CSMD3: variants seen among roughly 807,000 people sequenced by gnomAD.
CSMD3 encodes CUB and Sushi multiple domains 3, also known as CUB and sushi domain-containing protein 3.
Under a neutral mutation model 435.2 loss-of-function variants are expected in CSMD3, and 177 were observed. That is an observed-to-expected ratio of 0.41 (90% CI 0.36 to 0.46). The LOEUF is 0.46. Ranked by LOEUF, CSMD3 falls within the 20% of genes least tolerant of loss-of-function variation. The pLI is 0.34. For missense variants in CSMD3, 4,265 were observed against 4,504.6 expected, an observed-to-expected ratio of 0.95 and a Z score of 1.52; for synonymous variants, 1,656 against 1,520.5, an observed-to-expected ratio of 1.09 and a Z score of -2.07.
At chr8:113,311,270 C>T (rs369334961) in intron 2 of CSMD3, 1 of 152,130 alleles carries the variant, frequency 6.6e-6, no homozygotes, top group African/African-American at 2.4e-5. Flanking sequence ...TTGCCAATAT[C>T]AATTCTCTTT....
intron 45 of CSMD3, among the ~76,000 whole-genome samples, chr8:112,329,632 A>C (rs915035877): frequency 1.3e-5 from 2 of 152,052 alleles, no homozygotes; most frequent in Non-Finnish European, 2.9e-5. Flanking sequence ...CATTATCATG[A>C]GCTAATAAAT....
chr8:112,251,153 G>A (rs751270359), intron 63 of CSMD3, among the ~76,000 whole-genome samples: 12 of 151,576 alleles, frequency 7.9e-5, no homozygotes, highest in Non-Finnish European at 1.6e-4. Context: ...TCCAGCATGG[G>A]TCTTAAGAAC....
intron 32 of CSMD3, among the ~76,000 whole-genome samples, chr8:112,464,794 C>A (rs1817794879): frequency 6.6e-6 from 1 of 152,146 alleles, no homozygotes; most frequent in Non-Finnish European, 1.5e-5. Flanking sequence ...TATACAGAGG[C>A]TCAGATACAG....
intron 63 of CSMD3, among the ~76,000 whole-genome samples, chr8:112,249,427 A>G (rs1052362525): frequency 6.6e-6 from 1 of 152,174 alleles, no homozygotes; most frequent in African/African-American, 2.4e-5. Context: ...CCATGAATCT[A>G]TATTTCCAAC....
At chr8:112,594,453 C>A (rs886276124) in intron 22 of CSMD3, among the ~76,000 whole-genome samples, 3 of 152,188 alleles carry the variant, frequency 2.0e-5, no homozygotes, top group Non-Finnish European at 2.9e-5. Flanking sequence ...GGGCGCCCGC[C>A]ATTGCCCAGG....
rs1176534112 is a variant in CSMD3 at position 112,894,305 on chromosome 8, G to T, written c.1633+27322C>A. Among the ~76,000 whole-genome samples, 5 of 151,606 alleles carry T rather than the reference G, an allele frequency of 3.3e-5. No homozygotes were observed. The South Asian group carries it at 1.0e-3, about 31-fold the overall frequency. The stretch of plus-strand genomic sequence containing the variant: ...TGGTAAATGATGCAAGCTCTGAAGT[G>T]AAGAAGAGTGGAATGTGAAACCCAT... On this transcript the variant is annotated intron_variant, in intron 10 of 70. Coordinates refer to ENST00000297405, the MANE Select transcript of CSMD3 (RefSeq NM_198123.2).
chr8:113,137,127 G>A (rs528805247), intron 4 of CSMD3, among the ~76,000 whole-genome samples: 1 of 151,728 alleles, frequency 6.6e-6, no homozygotes, highest in African/African-American at 2.4e-5. Flanking sequence ...GAATAATGAA[G>A]GTAGAAATCA....
At chr8:112,724,092 A>G (rs2076916767) in intron 13 of CSMD3, among the ~76,000 whole-genome samples, 1 of 152,084 alleles carries the variant, frequency 6.6e-6, no homozygotes, top group Non-Finnish European at 1.5e-5. Flanking sequence ...TATGGATGAA[A>G]AAAATGAAGC....
intron 32 of CSMD3, among the ~76,000 whole-genome samples, chr8:112,453,349 T>C (rs1250337447): frequency 6.6e-6 from 1 of 152,132 alleles, no homozygotes; most frequent in East Asian, 1.9e-4. Flanking sequence ...AATATGATCA[T>C]ACACCTACAA....
intron 1 of CSMD3, among the ~76,000 whole-genome samples, chr8:113,347,591 G>T (rs1267348949): frequency 6.6e-6 from 1 of 152,090 alleles, no homozygotes; most frequent in Non-Finnish European, 1.5e-5. Flanking sequence ...CCATTTGGGG[G>T]ACACAATTCT....
Position 112,779,179 on chromosome 8 carries a change from T to G in CSMD3, c.1972+20983A>C, listed in dbSNP as rs567676290. Among the ~76,000 whole-genome samples, 184 of 131,800 alleles carry G rather than the reference T, an allele frequency of 1.4e-3. 1 individual carries two copies. The highest frequency in any genetic ancestry group is 5.6e-3 in the African/African-American group (171 of 30,742). The allele number at this position is 131,800 out of a possible 152,430, so 86.5% of individuals were successfully genotyped here. A position where few individuals can be genotyped will look rare whatever the true frequency, so the allele number is the denominator to read the frequency against. On this transcript the variant is annotated intron_variant, in intron 13 of 70. Coordinates refer to ENST00000297405, the MANE Select transcript of CSMD3 (RefSeq NM_198123.2). ...TGCAAAGATGTGTGTGTGTGTGTGT[T>G]TGCGTGTGTGTGTGTGTGTATATGT... is the stretch of plus-strand genomic sequence containing the variant.
chr8:113,348,148 T>C (rs563344320), intron 1 of CSMD3, among the ~76,000 whole-genome samples: 3 of 152,294 alleles, frequency 2.0e-5, no homozygotes, highest in African/African-American at 7.2e-5. Flanking sequence ...TAGCATACTA[T>C]TGTTATCTCC....
chr8:112,620,922 T>C (rs1369273105), intron 22 of CSMD3, among the ~76,000 whole-genome samples: 1 of 152,152 alleles, frequency 6.6e-6, no homozygotes, highest in Non-Finnish European at 1.5e-5. Context: ...TTTCAAATGT[T>C]ACAGAAAATG....
intron 2 of CSMD3, chr8:113,313,746 A>G (rs1281408529): frequency 6.6e-6 from 1 of 152,204 alleles, no homozygotes; most frequent in African/African-American, 2.4e-5. Flanking sequence ...TTCTTAGACT[A>G]TTTTAAATTA....
intron 22 of CSMD3, among the ~76,000 whole-genome samples, chr8:112,618,235 A>T (rs1056274277): frequency 3.3e-5 from 5 of 152,108 alleles, no homozygotes; most frequent in African/African-American, 1.2e-4. Flanking sequence ...TCACTTTGTA[A>T]AGGAATTAAA....
chr8:113,031,844 T>G (rs975490274), intron 5 of CSMD3, among the ~76,000 whole-genome samples: 14 of 151,550 alleles, frequency 9.2e-5, no homozygotes, highest in African/African-American at 3.4e-4. Flanking sequence ...ATCCACATGT[T>G]GAAAGAGGGA....
intron 5 of CSMD3, among the ~76,000 whole-genome samples, chr8:113,066,177 ATTGT>A (rs543226177): frequency 2.2e-3 from 340 of 151,576 alleles, no homozygotes; most frequent in African/African-American, 7.6e-3. Flanking sequence ...AGCGAGACAA[ATTGT>A]TTGGTATATT....
chr8:112,907,257 T>A (rs557753397), intron 10 of CSMD3, among the ~76,000 whole-genome samples: 60 of 151,664 alleles, frequency 4.0e-4, no homozygotes, highest in African/African-American at 1.3e-3. Flanking sequence ...TATTTCCAAG[T>A]AATTTTATAA....
chr8:113,296,667 C>T lies in CSMD3; in HGVS notation c.401+17904G>A, dbSNP rs576282333. 2.4e-4 allele frequency among the ~76,000 whole-genome samples: 37 copies of T among 152,216 alleles called. No homozygotes were observed. In the South Asian group the frequency reaches 7.7e-3, roughly 32 times the overall value. ...AACAATAGAATTGACCCTAACAGGG[C>T]AATTAGTGTCCCATGAATGTTATGT... On this transcript the variant is annotated intron_variant, in intron 2 of 70. Coordinates refer to ENST00000297405, the MANE Select transcript of CSMD3 (RefSeq NM_198123.2).
Sources: gnomAD v4.1 joint callset for allele counts (sites outside exome capture counted in the v4.1 genomes callset) on GRCh38, gnomAD v4.1.1 for gene constraint, MANE v1.5 for transcripts, NCBI Gene and HGNC (gene_info 2026-07-23, HGNC 2026-07-21) for gene names.